Variants in LRRTM4 observed in about 807,000 individuals in gnomAD.
The protein encoded by LRRTM4 is leucine rich repeat transmembrane neuronal 4, also known as leucine-rich repeat transmembrane neuronal protein 4.
In LRRTM4, 25 loss-of-function variants were observed where a neutral mutation model predicts 47.6. The ratio of observed to expected loss-of-function variants is 0.53; its 90% CI spans 0.38 to 0.73. LRRTM4 has a LOEUF of 0.73. Among genes scored for constraint, LRRTM4 ranks in the 30% least tolerant of loss-of-function variants. LRRTM4 has a pLI of 0.00. For synonymous variants in LRRTM4, 311 were observed against 269.5 expected, an observed-to-expected ratio of 1.15 and a Z score of -1.51; for missense variants, 638 against 713.4, an observed-to-expected ratio of 0.89 and a Z score of 1.20.
At chr2:77,083,783 CTTTTTTTTTTTTT>C (rs386390525) in intron 3 of LRRTM4, among the ~76,000 whole-genome samples, 22 of 52,390 alleles carry the variant, frequency 4.2e-4, no homozygotes, top group South Asian at 2.7e-3. Flanking sequence ...ACTGGACACA[CTTTTTTTTTTTTT>C]TTTTTTTTTT....
chr2:77,132,907 G>C (rs1044419971), intron 3 of LRRTM4, among the ~76,000 whole-genome samples: 1 of 152,082 alleles, frequency 6.6e-6, no homozygotes, highest in African/African-American at 2.4e-5. Flanking sequence ...ACATTGGGAG[G>C]GAAGTGGAGG....
intron 3 of LRRTM4, among the ~76,000 whole-genome samples, chr2:76,961,325 T>C (rs1444907923): frequency 6.6e-6 from 1 of 151,254 alleles, no homozygotes; most frequent in Non-Finnish European, 1.5e-5. Context: ...AATTCCCAAC[T>C]GTTACAATAA....
chr2:76,921,874 T>C lies in LRRTM4; in HGVS notation c.1552-172958A>G, dbSNP rs186601328. On this transcript the variant is annotated intron_variant, in intron 3 of 3. Coordinates refer to ENST00000409884, the MANE Select transcript of LRRTM4 (RefSeq NM_001134745.3). ...CTGAGTCCTTTTATTTAGAATGGCA[T>C]AAGAAATTAAGATCTGGGGTTCTGT... Among the ~76,000 whole-genome samples the C allele has an allele frequency of 2.1e-4, 32 of 152,230 alleles. No homozygotes were observed. The East Asian group carries it at 6.0e-3, about 29-fold the overall frequency.
intron 3 of LRRTM4, chr2:77,517,639 A>G: frequency 1.0e-6 from 1 of 983,004 alleles, no homozygotes; most frequent in Non-Finnish European, 1.2e-6. Flanking sequence ...AAACAAAAAA[A>G]GAAGGAAGAG....
intron 3 of LRRTM4, among the ~76,000 whole-genome samples, chr2:76,786,745 G>C (rs1392799703): frequency 6.6e-6 from 1 of 151,488 alleles, no homozygotes; most frequent in East Asian, 1.9e-4. Flanking sequence ...CAACAAGTTA[G>C]AAGATTGCAG....
intron 3 of LRRTM4, among the ~76,000 whole-genome samples, chr2:77,031,351 T>C (rs1678649105): frequency 6.6e-6 from 1 of 151,924 alleles, no homozygotes; most frequent in African/African-American, 2.4e-5. Flanking sequence ...TGGCTTTATG[T>C]CTTTATTTCA....
At chr2:77,172,726 G>A (rs114996459) in intron 3 of LRRTM4, among the ~76,000 whole-genome samples, 2,510 of 152,134 alleles carry the variant, frequency 0.016, 88 homozygotes, top group African/African-American at 0.058. Flanking sequence ...ACGCATAGAC[G>A]GAAATTCTCA....
intron 3 of LRRTM4, among the ~76,000 whole-genome samples, chr2:76,904,647 T>A (rs917708624): frequency 2.6e-5 from 4 of 152,164 alleles, no homozygotes. Flanking sequence ...TCTGCATCAA[T>A]GTTTTAGAAG....
intron 3 of LRRTM4, among the ~76,000 whole-genome samples, chr2:77,221,984 A>T (rs1162716103): frequency 1.3e-5 from 2 of 152,190 alleles, no homozygotes; most frequent in Admixed American, 6.5e-5. Flanking sequence ...AATGTGAAAG[A>T]ACAGAAATTA....
chr2:76,916,724 A>G (rs1674264559), intron 3 of LRRTM4, among the ~76,000 whole-genome samples: 1 of 152,200 alleles, frequency 6.6e-6, no homozygotes, highest in African/African-American at 2.4e-5. Flanking sequence ...AGGTAAAAAT[A>G]TTGTGACCTA....
At chr2:77,201,536 T>C (rs1013274074) in intron 3 of LRRTM4, among the ~76,000 whole-genome samples, 4 of 152,088 alleles carry the variant, frequency 2.6e-5, no homozygotes, top group Non-Finnish European at 4.4e-5. Context: ...GAGATGTCTA[T>C]ATAAGAAAGC....
chr2:77,021,110 G>GTATCTATCTATCTATC (rs36108858), intron 3 of LRRTM4, among the ~76,000 whole-genome samples: 10 of 151,038 alleles, frequency 6.6e-5, no homozygotes, highest in Middle Eastern at 3.4e-3. Flanking sequence ...ATCTATCTAT[G>GTATCTATCTATCTATC]TATCTATCTA....
intron 3 of LRRTM4, among the ~76,000 whole-genome samples, chr2:76,841,631 A>T (rs1389003323): frequency 1.3e-5 from 2 of 150,958 alleles, no homozygotes; most frequent in South Asian, 2.1e-4. Flanking sequence ...AGTTAAAAAT[A>T]TAGGAGGTTC....
rs149950421 is a variant in LRRTM4 at position 76,924,880 on chromosome 2, T to C, written c.1552-175964A>G. Reference sequence around the variant, plus strand: ...TTAAAACTTTCAATCCAATTTCATATAGAATTCCTTCTACCTCTTCACGGT... The same window carrying C: ...TTAAAACTTTCAATCCAATTTCATACAGAATTCCTTCTACCTCTTCACGGT... On this transcript the variant is annotated intron_variant, in intron 3 of 3. Transcript: ENST00000409884. Among the ~76,000 whole-genome samples, 641 of 152,226 alleles carry C rather than the reference T, an allele frequency of 4.2e-3. 22 individuals carry two copies. The highest frequency in any genetic ancestry group is 0.037 in the Admixed American group (572 of 15,264).
chr2:77,043,497 A>C (rs1407756834), intron 3 of LRRTM4, among the ~76,000 whole-genome samples: 5 of 151,812 alleles, frequency 3.3e-5, no homozygotes, highest in African/African-American at 1.2e-4. Flanking sequence ...ACATGCCTAA[A>C]GATGCCTAAA....
At chr2:77,117,471 C>A (rs1179373564) in intron 3 of LRRTM4, among the ~76,000 whole-genome samples, 1 of 151,164 alleles carries the variant, frequency 6.6e-6, no homozygotes, top group Non-Finnish European at 1.5e-5. Flanking sequence ...ATTATTTTAC[C>A]CCCAGGTTAA....
chr2:76,856,990 T>G (rs1275634018), intron 3 of LRRTM4, among the ~76,000 whole-genome samples: 2 of 151,970 alleles, frequency 1.3e-5, no homozygotes, highest in Non-Finnish European at 2.9e-5. Context: ...ACAAAATAAA[T>G]TTCTCTCTTA....
rs898362205 is a variant in LRRTM4 at position 76,834,301 on chromosome 2, T to G, written c.1552-85385A>C. Among the ~76,000 whole-genome samples the G allele has an allele frequency of 3.3e-5, 5 of 151,750 alleles. No individual in the cohort carries two copies. In the East Asian group the frequency reaches 9.7e-4, roughly 29 times the overall value. ...CCTGACCTCAGGTGATCTGCCTGCCTCGTCCTCCCAAAGTACTGGGATTAT... is the reference window on the plus strand; with the variant it reads ...CCTGACCTCAGGTGATCTGCCTGCCGCGTCCTCCCAAAGTACTGGGATTAT... On this transcript the variant is annotated intron_variant, in intron 3 of 3. Transcript: ENST00000409884.
At chr2:77,384,741 AAAT>A (rs538411322) in intron 3 of LRRTM4, among the ~76,000 whole-genome samples, 35 of 152,266 alleles carry the variant, frequency 2.3e-4, no homozygotes, top group South Asian at 2.1e-3. Flanking sequence ...GACAAATCTG[AAAT>A]AATATTTCTG....
Sources: allele counts gnomAD v4.1 joint callset (sites outside exome capture counted in the v4.1 genomes callset), GRCh38; gene constraint gnomAD v4.1.1; transcripts MANE v1.5; gene names NCBI Gene and HGNC (gene_info 2026-07-23, HGNC 2026-07-21).